Variants in TM9SF3 observed in about 807,000 individuals in gnomAD.
TM9SF3 encodes the protein SM-11044-binding protein.
TM9SF3 carries 14 observed loss-of-function variants against 78.6 expected under a neutral mutation model. The observed-to-expected ratio is 0.18, with a 90% CI of 0.12 to 0.28. TM9SF3 has a LOEUF of 0.28. TM9SF3 is among the 10% of genes least tolerant of loss of function. The pLI, the probability that TM9SF3 is intolerant of heterozygous loss-of-function variation, is 1.00. For missense variants in TM9SF3, 496 were observed against 721.9 expected, an observed-to-expected ratio of 0.69 and a Z score of 3.59; for synonymous variants, 231 against 241.7, an observed-to-expected ratio of 0.96 and a Z score of 0.41.
At chr10:96,528,406 T>C (rs1387235333) in intron 11 of TM9SF3, among the ~76,000 whole-genome samples, 1 of 152,110 alleles carries the variant, frequency 6.6e-6, no homozygotes, top group Admixed American at 6.6e-5. Context: ...CAGTAGGGCA[T>C]TCACCTCTAC....
chr10:96,564,295 CTG>C (rs2134152372), intron 3 of TM9SF3, among the ~76,000 whole-genome samples: 1 of 152,236 alleles, frequency 6.6e-6, no homozygotes, highest in East Asian at 1.9e-4. Context: ...GGGAAGAAAC[CTG>C]TTCTCTCAAA....
chr10:96,585,983 G>A (rs947251145), intron 1 of TM9SF3, among the ~76,000 whole-genome samples: 1 of 152,160 alleles, frequency 6.6e-6, no homozygotes, highest in African/African-American at 2.4e-5. Context: ...AATGCAAAAG[G>A]GACTGTTTCT....
intron 4 of TM9SF3, chr10:96,560,214 C>G: frequency 9.9e-7 from 1 of 1,006,586 alleles, no homozygotes; most frequent in Non-Finnish European, 1.5e-6. Context: ...TGGACATGAG[C>G]CCCCTGAGGC....
intron 2 of TM9SF3, among the ~76,000 whole-genome samples, chr10:96,572,588 G>A (rs1329611705): frequency 2.0e-5 from 3 of 147,594 alleles, no homozygotes; most frequent in East Asian, 2.0e-4. Flanking sequence ...GTGCAATGGC[G>A]CAATCTCAGC....
At chr10:96,540,150 C>G (rs565246893) in intron 9 of TM9SF3, among the ~76,000 whole-genome samples, 2 of 152,190 alleles carry the variant, frequency 1.3e-5, no homozygotes, top group East Asian at 3.9e-4. Context: ...TTACTAGTTT[C>G]TTCCCTAGTC....
At chr10:96,558,301 T>G (rs1848258825) in intron 5 of TM9SF3, among the ~76,000 whole-genome samples, 1 of 142,946 alleles carries the variant, frequency 7.0e-6, no homozygotes, top group African/African-American at 2.7e-5. Flanking sequence ...GGGATTGAGG[T>G]AGGGGAAAAA....
At position 96,586,883 on chromosome 10, in the gene TM9SF3, G is replaced by T. The variant is rs1158648886; in HGVS notation, c.-48C>A. The T allele has an allele frequency of 6.2e-6, 6 of 974,764 alleles. No individual in the cohort carries two copies. Among genetic ancestry groups the T allele is most frequent in the Non-Finnish European group, 7.7e-6 (6 of 783,490 alleles). 60.4% of individuals were successfully genotyped at this position (974,764 alleles called of 1,614,324 possible). A position where few individuals can be genotyped will look rare whatever the true frequency, so the allele number is the denominator to read the frequency against. The stretch of plus-strand genomic sequence containing the variant: ...AGCCGGCTCACCGACTCCTCCTCCC[G>T]CCGCCGCCTCCTCCGCCGCCGCCGC... On this transcript the variant is annotated 5_prime_UTR_variant, in exon 1 of 15. Coordinates refer to ENST00000371142, the MANE Select transcript of TM9SF3 (RefSeq NM_020123.4).
At chr10:96,530,893 C>A (rs771546023) in intron 10 of TM9SF3, among the ~76,000 whole-genome samples, 2 of 152,104 alleles carry the variant, frequency 1.3e-5, no homozygotes, top group Non-Finnish European at 2.9e-5. Flanking sequence ...CTAAGTGTTC[C>A]CTCTGGTTCT....
intron 8 of TM9SF3, among the ~76,000 whole-genome samples, chr10:96,544,825 C>CA (rs946344748): frequency 5.0e-4 from 72 of 144,522 alleles, no homozygotes; most frequent in Non-Finnish European, 8.7e-4. Context: ...TAAGACAGGG[C>CA]AAAAAAAAAA....
intron 3 of TM9SF3, among the ~76,000 whole-genome samples, chr10:96,563,614 G>C (rs1229019899): frequency 1.3e-5 from 2 of 152,034 alleles, no homozygotes; most frequent in East Asian, 1.9e-4. Context: ...CTGGCCCCAA[G>C]TGATCCGCCC....
chr10:96,550,615 ATCT>A (rs1276174313), intron 7 of TM9SF3, among the ~76,000 whole-genome samples: 1 of 152,212 alleles, frequency 6.6e-6, no homozygotes, highest in African/African-American at 2.4e-5. Context: ...GGGACCTGAG[ATCT>A]TCTGTGAATG....
chr10:96,531,396 T>A (rs1043170160), intron 10 of TM9SF3, among the ~76,000 whole-genome samples: 1 of 151,764 alleles, frequency 6.6e-6, no homozygotes, highest in Non-Finnish European at 1.5e-5. Flanking sequence ...TACATATATA[T>A]AAAAAACCTC....
chr10:96,586,070 G>A (rs1023151747), intron 1 of TM9SF3, among the ~76,000 whole-genome samples: 1 of 152,202 alleles, frequency 6.6e-6, no homozygotes, highest in African/African-American at 2.4e-5. Flanking sequence ...TATCGGGATG[G>A]GGGTCTCACT....
rs1456270891 is a variant in TM9SF3, at chr10:96,533,080, A to G, written c.1296T>C (p.Ala432=). 2 of 1,614,054 alleles carry G rather than the reference A, an allele frequency of 1.2e-6. No homozygotes were observed. Among genetic ancestry groups the G allele is most frequent in the Admixed American group, 3.3e-5 (2 of 59,998 alleles). ...TTTTCTCCGGTATAGGACGAGGCAC[A>G]GCATTGACACGACAAGGAAAGTTGG... ...GQPNFPCRVN[A]VPRPIPEKKW... Residue 432 remains alanine, a synonymous_variant, in exon 10 of 15, where the codon GCT becomes GCC. Coordinates refer to ENST00000371142, the MANE Select transcript of TM9SF3 (RefSeq NM_020123.4).
chr10:96,561,010 A>C, intron 4 of TM9SF3: 1 of 394,474 alleles, frequency 2.5e-6, no homozygotes. Context: ...ACTGAGTATC[A>C]TCAACAATCC....
chr10:96,567,778 G>C (rs2134154634), intron 2 of TM9SF3, among the ~76,000 whole-genome samples: 1 of 152,286 alleles, frequency 6.6e-6, no homozygotes, highest in South Asian at 2.1e-4. Flanking sequence ...AGCCATGCCT[G>C]CTTCAGTACC....
Position 96,551,367 on chromosome 10 carries a change from T to C in TM9SF3, c.837A>G (p.Gly279=). 6.2e-7 allele frequency: 1 copy of C among 1,612,252 alleles called. No homozygotes were observed. Among genetic ancestry groups the C allele is most frequent in the Non-Finnish European group, 8.5e-7 (1 of 1,179,154 alleles). The change falls in exon 7 of 15, where the codon GGA becomes GGG. Residue 279 remains glycine, a synonymous_variant. Transcript: ENST00000371142. ...GGTGACTTGATGGTCTAAATACATCTCCATGCACCTGTTTCCATCCATATT... is the reference window on the plus strand; with the variant it reads ...GGTGACTTGATGGTCTAAATACATCCCCATGCACCTGTTTCCATCCATATT... The part of the protein sequence containing the change: ...GDEYGWKQVH[G]DVFRPSSHPL...
Position 96,520,889 on chromosome 10 carries a change from G to A in TM9SF3, c.*1374C>T. Reference sequence around the variant, plus strand: ...GGGTCCCCTGTATGAGAGTAGCATAGTTTATAGCATACTTTTAAAAATGGC... The same window carrying A: ...GGGTCCCCTGTATGAGAGTAGCATAATTTATAGCATACTTTTAAAAATGGC... On this transcript the variant is annotated 3_prime_UTR_variant, in exon 15 of 15. Transcript: ENST00000371142. 2.5e-6 allele frequency: 1 copy of A among 397,186 alleles called. No individual in the cohort carries two copies. Among genetic ancestry groups the A allele is most frequent in the Non-Finnish European group, 4.4e-6 (1 of 224,762 alleles). 24.6% of individuals were successfully genotyped at this position (397,186 alleles called of 1,614,324 possible).
intron 2 of TM9SF3, among the ~76,000 whole-genome samples, chr10:96,572,066 T>G (rs1402813871): frequency 6.6e-6 from 1 of 152,216 alleles, no homozygotes; most frequent in African/African-American, 2.4e-5. Context: ...TATAACAGGC[T>G]AGTACAGCAG....
Sources: gnomAD v4.1 joint callset for allele counts (sites outside exome capture counted in the v4.1 genomes callset) on GRCh38, gnomAD v4.1.1 for gene constraint, MANE v1.5 for transcripts, NCBI Gene and HGNC (gene_info 2026-07-23, HGNC 2026-07-21) for gene names.